The following CNKSR2 variants were observed in gnomAD, a reference collection of about 807,000 sequenced individuals.
The protein encoded by CNKSR2 is CNK homolog protein 2.
In CNKSR2, 14 loss-of-function variants were observed where a neutral mutation model predicts 84.4. The observed-to-expected ratio is 0.17, with a 90% CI of 0.11 to 0.26. CNKSR2 has a LOEUF of 0.26. Among genes scored for constraint, CNKSR2 ranks in the 10% least tolerant of loss-of-function variants. The probability of loss-of-function intolerance (pLI) is 1.00; values close to 1 mark genes in which losing one functional copy is unlikely to be tolerated. For synonymous variants in CNKSR2, 275 were observed against 277.9 expected (o/e 0.99, Z 0.10); for missense variants, 485 against 771.2 (o/e 0.63, Z 4.40).
At chrX:21,560,484 T>G (rs931319938) in intron 11 of CNKSR2, among the ~76,000 whole-genome samples, 5 of 111,323 alleles carry the variant, frequency 4.5e-5, no homozygotes, top group African/African-American at 1.6e-4. Context: ...TTAATACTTA[T>G]GAAACTCTTA....
At chrX:21,382,343 T>C (rs1296394157) in intron 1 of CNKSR2, among the ~76,000 whole-genome samples, 3 of 111,827 alleles carry the variant, frequency 2.7e-5, no homozygotes, top group Non-Finnish European at 5.6e-5. Flanking sequence ...CTTTGGTGTT[T>C]ATGCCATATT....
At chrX:21,469,784 T>C (rs1175156464) in intron 4 of CNKSR2, among the ~76,000 whole-genome samples, 1 of 110,089 alleles carries the variant, frequency 9.1e-6, no homozygotes, top group Non-Finnish European at 1.9e-5. Flanking sequence ...TGGTGGCACA[T>C]GCCTGTAATC....
At chrX:21,587,633 C>A (rs990609282) in intron 13 of CNKSR2, among the ~76,000 whole-genome samples, 2 of 111,899 alleles carry the variant, frequency 1.8e-5, no homozygotes, top group African/African-American at 3.3e-5. Context: ...ATGAATAATT[C>A]CATCAGTTCT....
At chrX:21,381,753 A>G (rs1160893498) in intron 1 of CNKSR2, among the ~76,000 whole-genome samples, 1 of 111,710 alleles carries the variant, frequency 9.0e-6, no homozygotes, top group African/African-American at 3.3e-5. Flanking sequence ...ACCACTGGAC[A>G]TTTGCACTTA....
intron 1 of CNKSR2, among the ~76,000 whole-genome samples, chrX:21,405,403 G>GT (rs1447560888): frequency 9.0e-6 from 1 of 111,090 alleles, no homozygotes; most frequent in Non-Finnish European, 1.9e-5. Context: ...TAGTTTATTG[G>GT]TTTTTTACCT....
At chrX:21,425,546 T>G (rs781696123) in intron 1 of CNKSR2, 3 of 111,759 alleles carry the variant, frequency 2.7e-5, no homozygotes, top group Non-Finnish European at 3.8e-5. Context: ...GTTTTTTCTA[T>G]TCTCTTATAA....
At position 21,609,182 on chromosome X, in the gene CNKSR2, A is replaced by C; in HGVS notation, c.2257A>C (p.Ser753Arg). Residue 753 changes from serine (S) to arginine (R), a missense_variant, in exon 20 of 22, where the codon AGT becomes CGT. Ser to Arg is a moderately radical substitution (Grantham distance 110). Transcript: ENST00000379510. Reference sequence around the variant, plus strand: ...GTTTCGCCAGGAAGTAACTGGGAGCAGTGCAGTGTCTCCCATTCGCAAGAC... The same window carrying C: ...GTTTCGCCAGGAAGTAACTGGGAGCCGTGCAGTGTCTCCCATTCGCAAGAC... ...EEFRQEVTGS[S>R]AVSPIRKTAS... 3 of 1,210,275 alleles carry C rather than the reference A, an allele frequency of 2.5e-6. No homozygotes were observed. Among genetic ancestry groups the C allele is most frequent in the Non-Finnish European group, 3.4e-6 (3 of 894,041 alleles).
chrX:21,478,909 T>C lies in CNKSR2; in HGVS notation c.561+8102T>C, dbSNP rs143776541. Among the ~76,000 whole-genome samples the C allele has an allele frequency of 6.6e-3, 734 of 111,866 alleles. 3 individuals are homozygous for C. The highest frequency in any genetic ancestry group is 0.022 in the African/African-American group (690 of 30,791). ...ACTGTATATATGACCAAGGACACTA[T>C]ATATTTTTAAAAATAAAGTTAGCAG... On this transcript the variant is annotated intron_variant, in intron 5 of 21. Coordinates refer to ENST00000379510, the MANE Select transcript of CNKSR2 (RefSeq NM_014927.5).
intron 5 of CNKSR2, among the ~76,000 whole-genome samples, chrX:21,473,940 G>A (rs1319193372): frequency 1.9e-5 from 2 of 107,140 alleles, no homozygotes; most frequent in East Asian, 2.9e-4. Context: ...TAGTAGAGAC[G>A]GGGTTTCACC....
At chrX:21,446,646 T>C (rs1020895812) in intron 4 of CNKSR2, among the ~76,000 whole-genome samples, 3 of 111,468 alleles carry the variant, frequency 2.7e-5, no homozygotes, top group Non-Finnish European at 5.7e-5. Context: ...TTTCATAGGT[T>C]TATTCTTTTA....
At chrX:21,624,770 G>A (rs1328458720) in intron 20 of CNKSR2, among the ~76,000 whole-genome samples, 2 of 112,121 alleles carry the variant, frequency 1.8e-5, no homozygotes, top group Non-Finnish European at 3.8e-5. Context: ...TATCATGATT[G>A]TTCCAAAAGG....
intron 17 of CNKSR2, among the ~76,000 whole-genome samples, chrX:21,600,681 T>C (rs1188931570): frequency 8.9e-6 from 1 of 112,330 alleles, no homozygotes; most frequent in Non-Finnish European, 1.9e-5. Flanking sequence ...CAATTGCTCA[T>C]GAAAATACAT....
intron 11 of CNKSR2, among the ~76,000 whole-genome samples, chrX:21,543,009 A>G (rs1328771815): frequency 1.8e-5 from 2 of 112,534 alleles, no homozygotes; most frequent in Non-Finnish European, 3.8e-5. Context: ...GAGAAAATCA[A>G]ATACTATGTC....
chrX:21,381,722 C>G (rs2089901778), intron 1 of CNKSR2, among the ~76,000 whole-genome samples: 1 of 112,128 alleles, frequency 8.9e-6, no homozygotes, highest in Non-Finnish European at 1.9e-5. Flanking sequence ...CAGGCTGCCT[C>G]ACCGTCCTTC....
In CNKSR2 at chrX:21,374,694, C is replaced by T; in HGVS notation, c.-204C>T. 2.0e-6 allele frequency: 1 copy of T among 507,154 alleles called. No homozygotes were observed. Among genetic ancestry groups the T allele is most frequent in the Non-Finnish European group, 3.5e-6 (1 of 282,008 alleles). 41.8% of individuals were successfully genotyped at this position (507,154 alleles called of 1,213,427 possible). A position where few individuals can be genotyped will look rare whatever the true frequency, so the allele number is the denominator to read the frequency against. Reference sequence around the variant, plus strand: ...CCGGCGCGGAGCCACGACTCCTGCACGTTTACCTCCCTGTCGCCGTTCCTG... The same window carrying T: ...CCGGCGCGGAGCCACGACTCCTGCATGTTTACCTCCCTGTCGCCGTTCCTG... On this transcript the variant is annotated 5_prime_UTR_variant, in exon 1 of 22. The change creates a new upstream start codon in the 5' untranslated region. Coordinates refer to ENST00000379510, the MANE Select transcript of CNKSR2 (RefSeq NM_014927.5).
At chrX:21,629,519 G>A (rs1367171393) in intron 20 of CNKSR2, among the ~76,000 whole-genome samples, 1 of 112,151 alleles carries the variant, frequency 8.9e-6, no homozygotes, top group Non-Finnish European at 1.9e-5. Context: ...CAATCATGGT[G>A]GAAGGCAAGG....
At chrX:21,625,321 C>G (rs550863487) in intron 20 of CNKSR2, among the ~76,000 whole-genome samples, 31 of 111,576 alleles carry the variant, frequency 2.8e-4, no homozygotes, top group African/African-American at 8.1e-4. Flanking sequence ...TTGCCTGATC[C>G]ATGTGGTACA....
chrX:21,644,692 G>GT (rs1242421596), intron 20 of CNKSR2: 2 of 111,709 alleles, frequency 1.8e-5, no homozygotes, highest in African/African-American at 6.5e-5. Context: ...CACAGTCTAA[G>GT]TCTCTGAAGT....
At chrX:21,469,708 T>G (rs1321733408) in intron 4 of CNKSR2, among the ~76,000 whole-genome samples, 2 of 110,693 alleles carry the variant, frequency 1.8e-5, no homozygotes, top group Non-Finnish European at 3.8e-5. Context: ...GTTGGGAGTT[T>G]GAGACCAGCC....
Sources: gnomAD v4.1 joint callset for allele counts (sites outside exome capture counted in the v4.1 genomes callset) on GRCh38, gnomAD v4.1.1 for gene constraint, MANE v1.5 for transcripts, NCBI Gene and HGNC (gene_info 2026-07-23, HGNC 2026-07-21) for gene names.